LPIN1: variants seen among roughly 807,000 people sequenced by gnomAD.
The protein encoded by LPIN1 is phosphatidate phosphatase LPIN1.
Under a neutral mutation model 107.5 loss-of-function variants are expected in LPIN1, and 71 were observed. That is an observed-to-expected ratio of 0.66 (90% CI 0.55 to 0.80). The LOEUF (loss-of-function observed/expected upper bound fraction) is 0.80. Among genes scored for constraint, LPIN1 ranks in the 30% least tolerant of loss-of-function variants. The pLI is 0.00. For synonymous variants in LPIN1, 445 were observed against 452.6 expected (o/e 0.98, Z 0.21); for missense variants, 1,043 against 1,160.6 (o/e 0.90, Z 1.47).
rs1674722897 is a variant in LPIN1 at position 11,787,087 on chromosome 2, G to T, written c.1563G>T (p.Glu521Asp). ...TTGCTGTCACAGATGCATTCCTGGA[G>T]CAAGCTGTGTCATATCAACAGTTTG... ...HREITKDAFL[E>D]QAVSYQQFVD... The change falls in exon 11 of 21, where the codon GAG (glutamate) becomes GAT (aspartate). Residue 521 changes from glutamate (E) to aspartate (D), a missense_variant. Glu to Asp is a conservative substitution (Grantham distance 45, BLOSUM62 2). Coordinates refer to ENST00000674199, the MANE Select transcript of LPIN1 (RefSeq NM_001349206.2). The T allele has an allele frequency of 1.2e-6, 2 of 1,613,360 alleles. No individual in the cohort carries two copies. Among genetic ancestry groups the T allele is most frequent in the Admixed American group, 1.7e-5 (1 of 60,012 alleles).
At chr2:11,741,686 C>T (rs1379867906), upstream of LPIN1, among the ~76,000 whole-genome samples, 1 of 152,148 alleles carries the variant, frequency 6.6e-6, no homozygotes, top group Non-Finnish European at 1.5e-5. Context: ...TGGCGGGTGC[C>T]TGTAGTCCCA....
chr2:11,751,722 G>A (rs550085349), intron 1 of LPIN1, among the ~76,000 whole-genome samples: 17 of 152,276 alleles, frequency 1.1e-4, no homozygotes, highest in African/African-American at 3.9e-4. Flanking sequence ...GCTGGTGGCA[G>A]GCGCCTGTAG....
chr2:11,797,486 A>G lies in LPIN1; in HGVS notation c.1886+1999A>G, dbSNP rs528547829. Among the ~76,000 whole-genome samples the G allele has an allele frequency of 1.8e-4, 28 of 152,372 alleles. No homozygotes were observed. The South Asian group carries it at 2.3e-3, about 12-fold the overall frequency. On this transcript the variant is annotated intron_variant, in intron 14 of 20. Coordinates refer to ENST00000674199, the MANE Select transcript of LPIN1 (RefSeq NM_001349206.2). ...TGCCAAATCCATCCTGCCCTCTGGC[A>G]GTGCCCAAGGCTGTGGGAGCCCACC...
chr2:11,727,339 G>A (rs895410100), intron 1 of LPIN1, among the ~76,000 whole-genome samples: 2 of 151,944 alleles, frequency 1.3e-5, no homozygotes, highest in Non-Finnish European at 2.9e-5. Flanking sequence ...AATTTATTTC[G>A]GTTCTAATCT....
At chr2:11,724,715 C>A in intron 1 of LPIN1, 1 of 862,158 alleles carries the variant, frequency 1.2e-6, no homozygotes, top group Non-Finnish European at 1.4e-6. Context: ...TCAATGTGTC[C>A]CCCATCGGGC....
chr2:11,822,708 G>A (rs1681752231), intron 20 of LPIN1, among the ~76,000 whole-genome samples: 1 of 152,122 alleles, frequency 6.6e-6, no homozygotes, highest in South Asian at 2.1e-4. Flanking sequence ...TTTGGGTGGG[G>A]ACACAGCCAA....
intron 1 of LPIN1, among the ~76,000 whole-genome samples, chr2:11,754,738 C>G (rs1174323232): frequency 6.6e-6 from 1 of 152,184 alleles, no homozygotes; most frequent in Admixed American, 6.5e-5. Context: ...TGGGCTCAGT[C>G]AGAGCCATTG....
chr2:11,751,473 G>A (rs1462722637), intron 1 of LPIN1, among the ~76,000 whole-genome samples: 2 of 152,198 alleles, frequency 1.3e-5, no homozygotes, highest in African/African-American at 4.8e-5. Context: ...TGGTCCCCAG[G>A]GGTGAATCTT....
intron 1 of LPIN1, among the ~76,000 whole-genome samples, chr2:11,686,490 G>A (rs1202667216): frequency 6.6e-6 from 1 of 152,204 alleles, no homozygotes; most frequent in Non-Finnish European, 1.5e-5. Context: ...GAAGGACGGT[G>A]CTGGAGGGTC....
chr2:11,797,929 T>C (rs1167877529), intron 14 of LPIN1, among the ~76,000 whole-genome samples: 2 of 152,184 alleles, frequency 1.3e-5, no homozygotes, highest in Non-Finnish European at 2.9e-5. Flanking sequence ...CACTTTGAAC[T>C]GTAATCCCCA....
At chr2:11,686,251 C>T (rs1262885980) in intron 1 of LPIN1, among the ~76,000 whole-genome samples, 5 of 152,116 alleles carry the variant, frequency 3.3e-5, no homozygotes, top group Non-Finnish European at 5.9e-5. Context: ...TGAGGATCCC[C>T]GACCCCGCTT....
At chr2:11,714,185 A>G (rs1663584835) in intron 2 of LPIN1, among the ~76,000 whole-genome samples, 1 of 152,170 alleles carries the variant, frequency 6.6e-6, no homozygotes, top group African/African-American at 2.4e-5. Context: ...CTTACCGCAA[A>G]TGCAGTTGCA....
intron 14 of LPIN1, among the ~76,000 whole-genome samples, chr2:11,800,713 C>T (rs1373280649): frequency 6.6e-6 from 1 of 152,070 alleles, no homozygotes; most frequent in Non-Finnish European, 1.5e-5. Context: ...AAACAGGAGG[C>T]AGTAAGGCGA....
At position 11,765,469 on chromosome 2, in the gene LPIN1, T is replaced by C; in HGVS notation, c.-9-64T>C. The C allele has an allele frequency of 5.4e-6, 8 of 1,494,046 alleles. No individual in the cohort carries two copies. The South Asian group carries it at 9.8e-5, about 18-fold the overall frequency. The allele number at this position is 1,494,046 out of a possible 1,614,324, so 92.5% of individuals were successfully genotyped here. A position where few individuals can be genotyped will look rare whatever the true frequency, so the allele number is the denominator to read the frequency against. On this transcript the variant is annotated intron_variant, in intron 1 of 20. Transcript: ENST00000674199. This position sits in a 1 kb window ranked among gnomAD's most constrained non-coding sequence, Gnocchi z 4.4. ...GTTTTTGAAATGGTGAGGAGTTCAT[T>C]TTGATTGGCTCTTCCTTGGATTAAT...
intron 1 of LPIN1, among the ~76,000 whole-genome samples, chr2:11,757,749 C>A (rs1248050216): frequency 6.6e-6 from 1 of 152,132 alleles, no homozygotes; most frequent in Non-Finnish European, 1.5e-5. Context: ...AAATAGTATC[C>A]TGGCTTCCTG....
chr2:11,697,826 A>G lies in LPIN1; in HGVS notation c.82-15930A>G, dbSNP rs952377830. ...CCCCTCCTCCCCATCTCACCAGGCC[A>G]GGGAACAAGCCCTACCGCACATTAC... On this transcript the variant is annotated intron_variant, in intron 1 of 21. Coordinates refer to the LPIN1 transcript ENST00000449576. This position sits in a 1 kb window ranked among gnomAD's most constrained non-coding sequence, Gnocchi z 4.6. 6.6e-6 allele frequency among the ~76,000 whole-genome samples: 1 copy of G among 152,136 alleles called. No individual in the cohort carries two copies. Among genetic ancestry groups the G allele is most frequent in the African/African-American group, 2.4e-5 (1 of 41,436 alleles).
At chr2:11,796,944 C>G (rs1676828250) in intron 14 of LPIN1, among the ~76,000 whole-genome samples, 1 of 152,230 alleles carries the variant, frequency 6.6e-6, no homozygotes, top group South Asian at 2.1e-4. Context: ...GGGAAGCTCC[C>G]TGACACATCT....
intron 17 of LPIN1, among the ~76,000 whole-genome samples, chr2:11,807,512 ATTTT>A (rs557625077): frequency 7.1e-6 from 1 of 140,662 alleles, no homozygotes. Flanking sequence ...TTGCTTTTTA[ATTTT>A]TTTTTTTTTT....
upstream of LPIN1, among the ~76,000 whole-genome samples, chr2:11,742,625 C>A (rs914086100): frequency 2.0e-5 from 3 of 152,250 alleles, no homozygotes; most frequent in African/African-American, 7.2e-5. Flanking sequence ...TAATGGAGTT[C>A]TCTCCTCCCA....
Sources: gnomAD v4.1 joint callset for allele counts (sites outside exome capture counted in the v4.1 genomes callset) on GRCh38, gnomAD v4.1.1 for gene constraint, Gnocchi (gnomAD v3.1) non-coding constraint, MANE v1.5 for transcripts, NCBI Gene and HGNC (gene_info 2026-07-23, HGNC 2026-07-21) for gene names.